The following MYBPC1 variants were observed in gnomAD, a reference collection of about 807,000 sequenced individuals.
The protein encoded by MYBPC1 is myosin-binding protein C, slow-type.
In MYBPC1, 52 loss-of-function variants were observed where a neutral mutation model predicts 147.1. The ratio of observed to expected loss-of-function variants is 0.35; its 90% CI spans 0.28 to 0.45. The LOEUF (loss-of-function observed/expected upper bound fraction) is 0.45, where lower values mean the gene tolerates loss of function less well. MYBPC1 is among the 20% of genes least tolerant of loss of function. The probability of loss-of-function intolerance (pLI) is 1.00; values close to 1 mark genes in which losing one functional copy is unlikely to be tolerated. For synonymous variants in MYBPC1, 477 were observed against 475.9 expected (o/e 1.00, Z -0.03); for missense variants, 1,228 against 1,440.3 (o/e 0.85, Z 2.39).
intron 1 of MYBPC1, among the ~76,000 whole-genome samples, chr12:101,610,316 G>A (rs986212437): frequency 6.6e-6 from 1 of 152,102 alleles, no homozygotes; most frequent in Non-Finnish European, 1.5e-5. Flanking sequence ...AAACTATAAT[G>A]CATAAAAATT....
At chr12:101,595,228 T>A in intron 1 of MYBPC1, 133 bp downstream of exon 1, 1 of 870,368 alleles carries the variant, frequency 1.1e-6, no homozygotes, top group Non-Finnish European at 1.8e-6. Context: ...GAAACGATCT[T>A]TTAGATTAAA....
At chr12:101,626,088 C>CAAAAAAAAAAAAAA (rs769008600) in intron 3 of MYBPC1, among the ~76,000 whole-genome samples, 63 of 54,998 alleles carry the variant, frequency 1.1e-3, no homozygotes, top group Non-Finnish European at 1.8e-3. Flanking sequence ...AACTCTGTCT[C>CAAAAAAAAAAAAAA]AAAAAAAAAA....
chr12:101,651,157 C>A, intron 15 of MYBPC1, 74 bp from the exon 16 acceptor site: 1 of 1,499,632 alleles, frequency 6.7e-7, no homozygotes, highest in South Asian at 1.1e-5. Flanking sequence ...CTCACTATAC[C>A]ATTGTGAAAT....
intron 1 of MYBPC1, among the ~76,000 whole-genome samples, chr12:101,597,684 GTAT>G (rs1877888462): frequency 6.6e-6 from 1 of 152,152 alleles, no homozygotes; most frequent in Non-Finnish European, 1.5e-5. Flanking sequence ...GAGAAAGCAA[GTAT>G]TATTCTTAAG....
At chr12:101,621,255 A>G (rs1453407641) in intron 3 of MYBPC1, among the ~76,000 whole-genome samples, 1 of 152,198 alleles carries the variant, frequency 6.6e-6, no homozygotes, top group African/African-American at 2.4e-5. Flanking sequence ...ACTTTGTTAA[A>G]AATTAATGTC....
In MYBPC1 at chr12:101,629,566, C is replaced by T. The variant is rs748860625; in HGVS notation, c.289+22C>T. 3 of 1,556,566 alleles carry T rather than the reference C, an allele frequency of 1.9e-6. No homozygotes were observed. In the Admixed American group the frequency reaches 5.0e-5, roughly 26 times the overall value. On this transcript the variant is annotated intron_variant, in intron 6 of 31. Coordinates refer to ENST00000361466, the MANE Select transcript of MYBPC1 (RefSeq NM_002465.4). ...GTTGGTGAGTGCCTAGCATTCAATC[C>T]TTCCTTTTTTAAAAAATTAAGGTGA... is the stretch of plus-strand genomic sequence containing the variant.
chr12:101,646,888 GT>G lies in MYBPC1; in HGVS notation c.1090+2del. 6.2e-7 allele frequency: 1 copy of G among 1,614,096 alleles called. No individual in the cohort carries two copies. Among genetic ancestry groups the G allele is most frequent in the Non-Finnish European group, 8.5e-7 (1 of 1,179,960 alleles). On this transcript the variant is annotated splice_donor_variant, in intron 13 of 31. Transcript: ENST00000361466. LOFTEE classifies it high-confidence loss of function. ...TGTTCCACTGAGCTCTTCGTAAGAG[GT>G]AAAAATGAAATCTCTTATTGTGGTC...
At chr12:101,623,025 TC>T (rs1345554376) in intron 3 of MYBPC1, among the ~76,000 whole-genome samples, 3 of 152,260 alleles carry the variant, frequency 2.0e-5, no homozygotes, top group South Asian at 4.1e-4. Flanking sequence ...TACTCACCTA[TC>T]AAATTTTTGC....
At chr12:101,598,483 T>A (rs1878403371) in intron 1 of MYBPC1, among the ~76,000 whole-genome samples, 1 of 152,210 alleles carries the variant, frequency 6.6e-6, no homozygotes, top group South Asian at 2.1e-4. Flanking sequence ...TCCTCAGAAT[T>A]TTACCTCTGG....
Position 101,649,440 on chromosome 12 carries a change from C to T in MYBPC1, c.1363+14C>T. On this transcript the variant is annotated intron_variant, in intron 15 of 31. Coordinates refer to ENST00000361466, the MANE Select transcript of MYBPC1 (RefSeq NM_002465.4). ...TTAGTGTTGACTGTAAGTGAGACTT[C>T]TTTAGATGTCTTCTCAGTGGGCTTA... is the stretch of plus-strand genomic sequence containing the variant. 1 of 1,613,182 alleles carries T rather than the reference C, an allele frequency of 6.2e-7. No individual in the cohort carries two copies. The highest frequency in any genetic ancestry group is 8.5e-7 in the Non-Finnish European group (1 of 1,179,270).
intron 5 of MYBPC1, chr12:101,628,961 GCT>G: frequency 9.1e-6 from 2 of 219,032 alleles, no homozygotes; most frequent in South Asian, 7.8e-5. Context: ...ACCAGGCCAG[GCT>G]TGGCTTTCTG....
intron 19 of MYBPC1, chr12:101,660,361 A>C: frequency 5.6e-6 from 1 of 177,786 alleles, no homozygotes; most frequent in Non-Finnish European, 1.2e-5. Context: ...CTACCAGCCA[A>C]CATCTTGAGT....
chr12:101,669,100 C>G (rs1220461188), intron 23 of MYBPC1, among the ~76,000 whole-genome samples: 1 of 152,060 alleles, frequency 6.6e-6, no homozygotes, highest in Non-Finnish European at 1.5e-5. Context: ...TAAAACAAAA[C>G]AAGAATAAGA....
chr12:101,643,964 TAGA>T (rs1892578581), intron 11 of MYBPC1, among the ~76,000 whole-genome samples: 1 of 152,210 alleles, frequency 6.6e-6, no homozygotes, highest in Non-Finnish European at 1.5e-5. Context: ...ATCTGTGACT[TAGA>T]AGGAGTGCAG....
In MYBPC1 at chr12:101,614,601, C is replaced by T. The variant is rs1194862110; in HGVS notation, c.61+70C>T. ...GAGGGTCCATCCCAGCATGATTTGGCCTCCACGGGTGCTGTGAGCTGTGAG... is the reference window on the plus strand; with the variant it reads ...GAGGGTCCATCCCAGCATGATTTGGTCTCCACGGGTGCTGTGAGCTGTGAG... On this transcript the variant is annotated intron_variant, in intron 2 of 31. Transcript: ENST00000361466. 2.0e-6 allele frequency: 3 copies of T among 1,526,438 alleles called. No homozygotes were observed. The East Asian group carries it at 7.0e-5, about 35-fold the overall frequency. 94.6% of individuals were successfully genotyped at this position (1,526,438 alleles called of 1,614,324 possible). A position where few individuals can be genotyped will look rare whatever the true frequency, so the allele number is the denominator to read the frequency against.
intron 10 of MYBPC1, among the ~76,000 whole-genome samples, chr12:101,640,799 A>G (rs1048392311): frequency 3.9e-5 from 6 of 152,100 alleles, no homozygotes; most frequent in South Asian, 4.2e-4. Context: ...CATGATTACA[A>G]CCCAGTATTT....
Position 101,682,603 on chromosome 12 carries a change from G to C in MYBPC1, c.3434-1G>C. 3 of 1,612,266 alleles carry C rather than the reference G, an allele frequency of 1.9e-6. No homozygotes were observed. Among genetic ancestry groups the C allele is most frequent in the Non-Finnish European group, 2.5e-6 (3 of 1,178,354 alleles). On this transcript the variant is annotated splice_acceptor_variant, in intron 29 of 31. Transcript: ENST00000361466. LOFTEE classifies it high-confidence loss of function. The stretch of plus-strand genomic sequence containing the variant: ...CTGGTACAAATATTCTGATTCTGCA[G>C]TGATATATCAAGGAGTAAATACCCC...
chr12:101,618,361 G>A (rs184369968), intron 3 of MYBPC1, among the ~76,000 whole-genome samples: 35 of 152,302 alleles, frequency 2.3e-4, no homozygotes, highest in Non-Finnish European at 1.6e-4. Flanking sequence ...TCCTGGCCAC[G>A]TGGGCGCAGT....
At chr12:101,631,484 T>A in intron 6 of MYBPC1, 87 bp from the exon 7 acceptor site, 1 of 1,406,694 alleles carries the variant, frequency 7.1e-7, no homozygotes, top group South Asian at 1.2e-5. Context: ...TATTCTGTAG[T>A]GCAGTCCCAT....
Sources: gnomAD v4.1 joint callset for allele counts (sites outside exome capture counted in the v4.1 genomes callset) on GRCh38, gnomAD v4.1.1 for gene constraint, MANE v1.5 for transcripts, NCBI Gene and HGNC (gene_info 2026-07-23, HGNC 2026-07-21) for gene names.